The following CDH2 variants were observed in gnomAD, a reference collection of about 807,000 sequenced individuals.
CDH2 encodes cadherin 2.
A neutral mutation model predicts 92.0 loss-of-function variants in CDH2; 17 were observed. The observed-to-expected ratio is 0.18, with a 90% CI of 0.13 to 0.28. The LOEUF (loss-of-function observed/expected upper bound fraction) is 0.28, where lower values mean the gene tolerates loss of function less well. CDH2 is among the 10% of genes least tolerant of loss of function. The pLI is 1.00. For missense variants in CDH2, 862 were observed against 1,133.1 expected (o/e 0.76, Z 3.44); for synonymous variants, 419 against 415.9 (o/e 1.01, Z -0.09).
chr18:28,061,916 C>A (rs946416033), intron 2 of CDH2, among the ~76,000 whole-genome samples: 3 of 152,154 alleles, frequency 2.0e-5, no homozygotes, highest in African/African-American at 7.2e-5. Flanking sequence ...CACCTGGTCC[C>A]TCCCATGACA....
At chr18:28,174,906 T>C (rs935656219) in intron 1 of CDH2, among the ~76,000 whole-genome samples, 4 of 152,190 alleles carry the variant, frequency 2.6e-5, no homozygotes, top group Non-Finnish European at 1.5e-5. Flanking sequence ...CCCAATGCTG[T>C]CCAAAAATTA....
At chr18:27,942,397 A>G (rs542645465) in intron 6 of CDH2, among the ~76,000 whole-genome samples, 1 of 152,216 alleles carries the variant, frequency 6.6e-6, no homozygotes, top group African/African-American at 2.4e-5. Flanking sequence ...TGTGGTTACA[A>G]TGCTCCAGGT....
At chr18:28,011,825 G>C (rs372154657) in intron 4 of CDH2, 21 bp downstream of exon 4, 1 of 1,610,168 alleles carries the variant, frequency 6.2e-7, no homozygotes, top group East Asian at 2.2e-5. Context: ...TATGAAAACA[G>C]TTAAAATTGT....
At chr18:28,099,033 A>G (rs2015184906) in intron 2 of CDH2, among the ~76,000 whole-genome samples, 1 of 152,132 alleles carries the variant, frequency 6.6e-6, no homozygotes, top group African/African-American at 2.4e-5. Context: ...TAACTAAGTA[A>G]GTGTGTTACA....
intron 2 of CDH2, among the ~76,000 whole-genome samples, chr18:28,090,649 A>T (rs1014041963): frequency 6.6e-6 from 1 of 152,220 alleles, no homozygotes; most frequent in Non-Finnish European, 1.5e-5. Flanking sequence ...GTATTCCAGC[A>T]AACTGGTGGC....
intron 2 of CDH2, among the ~76,000 whole-genome samples, chr18:28,015,025 A>C (rs2013204381): frequency 6.6e-6 from 1 of 152,126 alleles, no homozygotes; most frequent in African/African-American, 2.4e-5. Flanking sequence ...TACTCTTTGG[A>C]GTGTAATTAA....
intron 2 of CDH2, among the ~76,000 whole-genome samples, chr18:28,031,961 G>A (rs987638663): frequency 2.6e-5 from 4 of 152,108 alleles, no homozygotes; most frequent in Non-Finnish European, 5.9e-5. Context: ...AATGAGTGAT[G>A]TGAATCACAA....
At chr18:28,031,520 C>T (rs2013695318) in intron 2 of CDH2, among the ~76,000 whole-genome samples, 1 of 152,080 alleles carries the variant, frequency 6.6e-6, no homozygotes, top group Non-Finnish European at 1.5e-5. Context: ...TTAACAAAGC[C>T]CCTGGCCCTT....
intron 5 of CDH2, among the ~76,000 whole-genome samples, chr18:28,006,717 CA>C (rs35592550): frequency 0.27 from 21,405 of 77,896 alleles, 886 homozygotes; most frequent in East Asian, 0.36. Context: ...GACTCTGTCT[CA>C]AAAAAAAAAA....
chr18:28,132,957 G>T (rs1161499940), intron 2 of CDH2, among the ~76,000 whole-genome samples: 1 of 152,090 alleles, frequency 6.6e-6, no homozygotes, highest in Non-Finnish European at 1.5e-5. Context: ...CAGATTTGGG[G>T]GGAGTATTCT....
At chr18:28,122,403 T>C (rs2015605232) in intron 2 of CDH2, among the ~76,000 whole-genome samples, 1 of 152,184 alleles carries the variant, frequency 6.6e-6, no homozygotes, top group African/African-American at 2.4e-5. Flanking sequence ...GAGTTTTCTT[T>C]TTGTTTTCCC....
chr18:28,126,246 TA>T (rs2015675750), intron 2 of CDH2, among the ~76,000 whole-genome samples: 1 of 152,192 alleles, frequency 6.6e-6, no homozygotes, highest in East Asian at 1.9e-4. Flanking sequence ...GAATAACACT[TA>T]AATAGATTAA....
At chr18:28,015,520 A>G (rs1045854083) in intron 2 of CDH2, among the ~76,000 whole-genome samples, 2 of 152,212 alleles carry the variant, frequency 1.3e-5, no homozygotes, top group African/African-American at 4.8e-5. Flanking sequence ...AATGAAATGT[A>G]AAATTGTTTT....
chr18:28,165,932 C>T (rs566085910), intron 1 of CDH2, among the ~76,000 whole-genome samples: 139 of 151,606 alleles, frequency 9.2e-4, no homozygotes, highest in African/African-American at 3.3e-3. Context: ...TATGTCACCA[C>T]ATATACAAAA....
At chr18:27,964,685 G>T (rs1302259806) in intron 14 of CDH2, among the ~76,000 whole-genome samples, 4 of 152,114 alleles carry the variant, frequency 2.6e-5, no homozygotes, top group African/African-American at 9.7e-5. Context: ...TCACTCATTT[G>T]ATCCTCTTAG....
intron 2 of CDH2, among the ~76,000 whole-genome samples, chr18:28,107,505 G>A (rs759337498): frequency 3.0e-4 from 46 of 152,166 alleles, no homozygotes; most frequent in Non-Finnish European, 4.3e-4. Context: ...TAGAAAATAC[G>A]AGAACCAAAT....
rs147866256 is a variant in CDH2, at chr18:28,068,616, C to A, written c.173-54707G>T. Among the ~76,000 whole-genome samples, 7 of 152,298 alleles carry A rather than the reference C, an allele frequency of 4.6e-5. No homozygotes were observed. In the East Asian group the frequency reaches 1.2e-3, roughly 25 times the overall value. ...TGTATTAACAGTATGACCAAAAGAG[C>A]TTCACTGAGCCTTGTTCGAGACTAT... On this transcript the variant is annotated intron_variant, in intron 2 of 15. Transcript: ENST00000269141.
chr18:27,947,917 A>G (rs902441605), downstream of CDH2, among the ~76,000 whole-genome samples: 4 of 151,162 alleles, frequency 2.6e-5, no homozygotes, highest in African/African-American at 9.7e-5. Context: ...GAAAACAGAT[A>G]TAAGTGATAT....
At chr18:27,934,520 A>G (rs184630036) in intron 6 of CDH2, among the ~76,000 whole-genome samples, 35 of 152,310 alleles carry the variant, frequency 2.3e-4, no homozygotes, top group Non-Finnish European at 3.7e-4. Flanking sequence ...CTTGCCCTAA[A>G]GATCAGCTAT....
Sources: allele counts gnomAD v4.1 joint callset (sites outside exome capture counted in the v4.1 genomes callset), GRCh38; gene constraint gnomAD v4.1.1; transcripts MANE v1.5; gene names NCBI Gene and HGNC (gene_info 2026-07-23, HGNC 2026-07-21).